The following NSD1 variants were observed in gnomAD, a reference collection of about 807,000 sequenced individuals.
The protein encoded by NSD1 is nuclear receptor binding SET domain protein 1, also known as histone-lysine N-methyltransferase, H3 lysine-36 specific.
Under a neutral mutation model 242.7 loss-of-function variants are expected in NSD1, and 26 were observed. The observed-to-expected ratio is 0.11, with a 90% confidence interval of 0.08 to 0.15. NSD1 has a LOEUF of 0.15. Ranked by LOEUF, NSD1 falls within the 10% of genes least tolerant of loss-of-function variation. The pLI is 1.00. For missense variants in NSD1, 2,495 were observed against 3,272.8 expected (o/e 0.76, Z 5.80); for synonymous variants, 1,106 against 1,178.1 (o/e 0.94, Z 1.25).
chr5:177,140,226 C>A (rs915139390), intron 2 of NSD1, among the ~76,000 whole-genome samples: 4 of 152,052 alleles, frequency 2.6e-5, no homozygotes, highest in African/African-American at 9.7e-5. Context: ...CTAATTCTTC[C>A]CAGTGTACAA....
chr5:177,137,060 C>T, intron 2 of NSD1: 1 of 453,148 alleles, frequency 2.2e-6, no homozygotes, highest in Non-Finnish European at 4.0e-6. Flanking sequence ...GTAATGCTGT[C>T]AAGTATTGTT....
chr5:177,296,274 CAG>C lies in NSD1; in HGVS notation c.*816_*817del. ...ATCAGTCCTTGGAGGAGCAGGTGGTCAGGGGCAGTCGGGCTCTGTGCGAATGT... is the reference window on the plus strand; with the variant it reads ...ATCAGTCCTTGGAGGAGCAGGTGGTCGGGCAGTCGGGCTCTGTGCGAATGT... On this transcript the variant is annotated 3_prime_UTR_variant, in exon 23 of 23. Coordinates refer to ENST00000439151, the MANE Select transcript of NSD1 (RefSeq NM_022455.5). The C allele has an allele frequency of 4.3e-6, 1 of 233,510 alleles. No homozygotes were observed. The highest frequency in any genetic ancestry group is 1.8e-4 in the South Asian group (1 of 5,544). 14.5% of individuals were successfully genotyped at this position (233,510 alleles called of 1,614,324 possible).
chr5:177,140,492 C>T (rs1323074872), intron 2 of NSD1, among the ~76,000 whole-genome samples: 1 of 152,004 alleles, frequency 6.6e-6, no homozygotes. Context: ...AGATTAGAGG[C>T]AAGGTTAGGA....
chr5:177,137,453 CTT>C (rs1469802551), intron 2 of NSD1: 1 of 152,142 alleles, frequency 6.6e-6, no homozygotes, highest in East Asian at 1.9e-4. Context: ...GGGTGTGTCA[CTT>C]TTGTTTCTGT....
chr5:177,139,193 G>T (rs1581101982), intron 2 of NSD1, among the ~76,000 whole-genome samples: 1 of 151,896 alleles, frequency 6.6e-6, no homozygotes, highest in East Asian at 2.0e-4. Context: ...TGAGGTTGCA[G>T]TGAGCTGAGA....
Position 177,152,355 on chromosome 5 carries a change from A to T in NSD1, c.927+16325A>T, listed in dbSNP as rs145384727. Among the ~76,000 whole-genome samples, 1,157 of 149,626 alleles carry T rather than the reference A, an allele frequency of 7.7e-3. 7 individuals carry two copies. The highest frequency in any genetic ancestry group is 0.011 in the Non-Finnish European group (773 of 67,642). On this transcript the variant is annotated intron_variant, in intron 2 of 22. Transcript: ENST00000439151. ...TATGTATGTATGTATGTATGTATGT[A>T]TGTATGTTTGTATATATTTATATTT...
Position 177,280,731 on chromosome 5 carries a change from G to A in NSD1, c.5789G>A (p.Arg1930His), listed in dbSNP as rs1391504793. 15 of 1,614,218 alleles carry A rather than the reference G, an allele frequency of 9.3e-6. No individual in the cohort carries two copies. The South Asian group carries it at 9.9e-5, about 11-fold the overall frequency. ...CCCACAGTGTGTCCTGCCGGAGGGCGCTGTCAAAACCAGTGCTTTTCCAAG... is the reference window on the plus strand; with the variant it reads ...CCCACAGTGTGTCCTGCCGGAGGGCACTGTCAAAACCAGTGCTTTTCCAAG... The part of the protein sequence containing the change: ...CHPTVCPAGG[R>H]CQNQCFSKRQ... The change falls in exon 18 of 23, where the codon CGC becomes CAC. Residue 1930 changes from arginine to histidine, a missense_variant. Arg to His is a conservative substitution (Grantham distance 29). Coordinates refer to ENST00000439151, the MANE Select transcript of NSD1 (RefSeq NM_022455.5).
At chr5:177,132,277 C>T (rs1395201392), upstream of NSD1, among the ~76,000 whole-genome samples, 1 of 151,690 alleles carries the variant, frequency 6.6e-6, no homozygotes, top group Non-Finnish European at 1.5e-5. The surrounding 1 kb of genome is among the most constrained non-coding windows in gnomAD (Gnocchi z 7.5). Flanking sequence ...GCAGGCGGCC[C>T]GCTCTGGGCG....
intron 17 of NSD1, among the ~76,000 whole-genome samples, chr5:177,275,198 G>T (rs114755470): frequency 1.9e-3 from 291 of 151,730 alleles, no homozygotes; most frequent in African/African-American, 6.6e-3. Context: ...TAGATGACTT[G>T]GATTTTTATT....
intron 15 of NSD1, 27 bp downstream of exon 15, chr5:177,267,745 CT>C (rs2149931465): frequency 6.2e-7 from 1 of 1,609,264 alleles, no homozygotes; most frequent in South Asian, 1.1e-5. Flanking sequence ...GCACTCATCT[CT>C]TTTACCATCC....
chr5:177,142,043 A>G (rs748872436), intron 2 of NSD1, among the ~76,000 whole-genome samples: 1 of 152,184 alleles, frequency 6.6e-6, no homozygotes, highest in African/African-American at 2.4e-5. Flanking sequence ...CATGTTGGCC[A>G]TGCTGGTCTC....
chr5:177,191,118 C>A (rs1443101461), intron 2 of NSD1, among the ~76,000 whole-genome samples: 1 of 151,864 alleles, frequency 6.6e-6, no homozygotes, highest in Non-Finnish European at 1.5e-5. Context: ...TTACAGGTGC[C>A]CGCTAACACC....
intron 18 of NSD1, 119 bp downstream of exon 18, chr5:177,280,953 T>C (rs1758823565): frequency 1.8e-6 from 2 of 1,117,822 alleles, no homozygotes; most frequent in South Asian, 2.9e-5. Context: ...ATTAACCTTA[T>C]TGTTGTGTCT....
chr5:177,158,998 T>TTATATATATATATATGAATGATATATATA (rs1554173192), intron 2 of NSD1, among the ~76,000 whole-genome samples: 37 of 122,594 alleles, frequency 3.0e-4, no homozygotes, highest in African/African-American at 1.3e-3. Context: ...ATGAATGATT[T>TTATATATATATATATGAATGATATATATA]TATATATATA....
chr5:177,280,283 T>C (rs1683415740), intron 17 of NSD1, among the ~76,000 whole-genome samples: 1 of 152,056 alleles, frequency 6.6e-6, no homozygotes, highest in African/African-American at 2.4e-5. Flanking sequence ...GGCTCGTATT[T>C]TATTTTTTTG....
At chr5:177,224,756 T>G (rs964681866) in intron 5 of NSD1, among the ~76,000 whole-genome samples, 1 of 151,638 alleles carries the variant, frequency 6.6e-6, no homozygotes, top group Admixed American at 6.6e-5. Context: ...CATCCTTGTC[T>G]TGTTTTTGAT....
chr5:177,138,229 G>C (rs982609523), intron 2 of NSD1, among the ~76,000 whole-genome samples: 1 of 152,002 alleles, frequency 6.6e-6, no homozygotes, highest in Non-Finnish European at 1.5e-5. Context: ...ATTGCTCAAA[G>C]ACTTTATCAC....
At chr5:177,181,427 G>GTTGTTTTTTTTTT (rs1554183366) in intron 2 of NSD1, among the ~76,000 whole-genome samples, 6 of 117,334 alleles carry the variant, frequency 5.1e-5, no homozygotes, top group African/African-American at 1.8e-4. Context: ...TTTTTTTTTG[G>GTTGTTTTTTTTTT]TTTTTTTTTT....
chr5:177,149,992 A>C (rs1234023596), intron 2 of NSD1, among the ~76,000 whole-genome samples: 1 of 152,016 alleles, frequency 6.6e-6, no homozygotes, highest in African/African-American at 2.4e-5. Context: ...GCTAGAGTGC[A>C]ATTGCGTGAT....
Sources: allele counts gnomAD v4.1 joint callset (sites outside exome capture counted in the v4.1 genomes callset), GRCh38; gene constraint gnomAD v4.1.1; non-coding constraint Gnocchi (gnomAD v3.1); transcripts MANE v1.5; gene names NCBI Gene and HGNC (gene_info 2026-07-23, HGNC 2026-07-21).